Variants in ST8SIA2 observed in about 807,000 individuals in gnomAD.
ST8SIA2 encodes the protein ST8 alpha-N-acetyl-neuraminide alpha-2,8-sialyltransferase 2.
In ST8SIA2, 22 loss-of-function variants were observed where a neutral mutation model predicts 37.6. The ratio of observed to expected loss-of-function variants is 0.58; its 90% confidence interval spans 0.42 to 0.83. ST8SIA2 has a LOEUF of 0.83. Ranked by LOEUF, ST8SIA2 falls within the 40% of genes least tolerant of loss-of-function variation. The pLI is 0.00. For synonymous variants in ST8SIA2, 205 were observed against 201.2 expected (o/e 1.02, Z -0.16); for missense variants, 382 against 484.7 (o/e 0.79, Z 1.99).
intron 5 of ST8SIA2, among the ~76,000 whole-genome samples, chr15:92,452,936 T>C (rs990368090): frequency 1.5e-4 from 23 of 152,138 alleles, no homozygotes; most frequent in African/African-American, 5.6e-4. Context: ...CCGTAACAGC[T>C]GGGTTAGATG....
intron 1 of ST8SIA2, among the ~76,000 whole-genome samples, chr15:92,415,431 T>C (rs1164487356): frequency 6.6e-6 from 1 of 151,976 alleles, no homozygotes; most frequent in African/African-American, 2.4e-5. Flanking sequence ...ATTTTGCTAA[T>C]TGATAGGACG....
At position 92,455,446 on chromosome 15, in the gene ST8SIA2, GC is replaced by G. The variant is rs529245542; in HGVS notation, c.843-8653del. On this transcript the variant is annotated intron_variant, in intron 5 of 5. Coordinates refer to ENST00000268164, the MANE Select transcript of ST8SIA2 (RefSeq NM_006011.4). ...GGATTTAAAGTAAAAAGCCAACTCC[GC>G]TCCGCACCCCCTGTCCTCCTCCACA... is the stretch of plus-strand genomic sequence containing the variant. Among the ~76,000 whole-genome samples, 815 of 152,190 alleles carry G rather than the reference GC, an allele frequency of 5.4e-3. 4 individuals carry two copies. The highest frequency in any genetic ancestry group is 9.1e-3 in the Non-Finnish European group (619 of 67,990).
At chr15:92,439,052 C>T (rs968458363) in intron 4 of ST8SIA2, among the ~76,000 whole-genome samples, 1 of 152,182 alleles carries the variant, frequency 6.6e-6, no homozygotes, top group South Asian at 2.1e-4. Context: ...GGTGAAATTG[C>T]AGAGTCAGAA....
At chr15:92,442,092 C>T (rs536512239) in intron 4 of ST8SIA2, among the ~76,000 whole-genome samples, 3 of 152,246 alleles carry the variant, frequency 2.0e-5, no homozygotes, top group Non-Finnish European at 4.4e-5. Flanking sequence ...TTCCTAACGC[C>T]TCCTTCTCAA....
chr15:92,465,358 G>A lies in ST8SIA2; in HGVS notation c.*973G>A, dbSNP rs1265470355. On this transcript the variant is annotated 3_prime_UTR_variant, in exon 6 of 6. Transcript: ENST00000268164. ...GACTGTACTGTCCCCTCTGTCACCAGGGAAGCCACAATGAGAGCTTGAAAG... is the reference window on the plus strand; with the variant it reads ...GACTGTACTGTCCCCTCTGTCACCAAGGAAGCCACAATGAGAGCTTGAAAG... 1 of 152,180 alleles carries A rather than the reference G, an allele frequency of 6.6e-6. No homozygotes were observed. The highest frequency in any genetic ancestry group is 1.5e-5 in the Non-Finnish European group (1 of 68,032). 9.4% of individuals were successfully genotyped at this position (152,180 alleles called of 1,614,324 possible).
intron 5 of ST8SIA2, among the ~76,000 whole-genome samples, chr15:92,463,028 C>G (rs181460861): frequency 7.2e-5 from 11 of 152,308 alleles, no homozygotes; most frequent in East Asian, 1.9e-4. Context: ...TGTGACTCAT[C>G]ATTGCATAAA....
chr15:92,403,724 T>C (rs2049487532), intron 1 of ST8SIA2, among the ~76,000 whole-genome samples: 1 of 152,136 alleles, frequency 6.6e-6, no homozygotes, highest in Non-Finnish European at 1.5e-5. Flanking sequence ...GCAGGTGACT[T>C]TAGTTTGCTA....
Position 92,464,297 on chromosome 15 carries a change from C to T in ST8SIA2, c.1040C>T (p.Thr347Ile). 6.2e-7 allele frequency: 1 copy of T among 1,614,016 alleles called. No individual in the cohort carries two copies. The highest frequency in any genetic ancestry group is 1.1e-5 in the South Asian group (1 of 91,066). ...TACACCTCCCAGGCCAGCCCGCATA[C>T]CATGCCCTTGGAGTTTAAGGCCCTC... Reference protein sequence around the residue: ...YGYTSQASPHTMPLEFKALKS... With the variant: ...YGYTSQASPHIMPLEFKALKS... Residue 347 changes from threonine to isoleucine, a missense_variant, in exon 6 of 6, where the codon ACC becomes ATC. Coordinates refer to ENST00000268164, the MANE Select transcript of ST8SIA2 (RefSeq NM_006011.4).
intron 5 of ST8SIA2, among the ~76,000 whole-genome samples, chr15:92,459,910 C>A (rs2049945865): frequency 6.6e-6 from 1 of 152,160 alleles, no homozygotes; most frequent in Non-Finnish European, 1.5e-5. Flanking sequence ...GCATAAAAAT[C>A]CTGATTTCTA....
chr15:92,436,728 A>G (rs73547819), intron 3 of ST8SIA2, among the ~76,000 whole-genome samples: 6,570 of 152,262 alleles, frequency 0.043, 483 homozygotes, highest in African/African-American at 0.15. Context: ...GTTTTCCATC[A>G]ACAGATACGA....
chr15:92,412,186 A>C (rs1407935780), intron 1 of ST8SIA2, among the ~76,000 whole-genome samples: 2 of 152,002 alleles, frequency 1.3e-5, no homozygotes, highest in African/African-American at 4.8e-5. Flanking sequence ...AAGGAAGGAG[A>C]AGTGGGTGAG....
At chr15:92,421,628 T>C (rs572741350) in intron 1 of ST8SIA2, among the ~76,000 whole-genome samples, 1 of 152,226 alleles carries the variant, frequency 6.6e-6, no homozygotes, top group Non-Finnish European at 1.5e-5. Context: ...ATCATACAGA[T>C]AATGATTTGT....
chr15:92,429,076 C>T (rs72766149), intron 1 of ST8SIA2, among the ~76,000 whole-genome samples: 12,183 of 152,216 alleles, frequency 0.08, 704 homozygotes, highest in South Asian at 0.13. Flanking sequence ...GACAAGGTTC[C>T]TTTCAATACA....
At chr15:92,432,199 T>C (rs2049720913) in intron 2 of ST8SIA2, among the ~76,000 whole-genome samples, 1 of 152,162 alleles carries the variant, frequency 6.6e-6, no homozygotes, top group Admixed American at 6.5e-5. Flanking sequence ...AGCCTCTTAG[T>C]GCGATAACTC....
Position 92,444,717 on chromosome 15 carries a change from C to T in ST8SIA2, c.630C>T (p.Ile210=). Residue 210 remains isoleucine, a synonymous_variant, in exon 5 of 6, where the codon ATC becomes ATT. Coordinates refer to ENST00000268164, the MANE Select transcript of ST8SIA2 (RefSeq NM_006011.4). ...TDLVTMNPSV[I]QRAFEDLVNA... ...TGGTAACCATGAACCCCTCGGTCAT[C>T]CAGCGGGCCTTTGAGGACTTGGTCA... 6.2e-7 allele frequency: 1 copy of T among 1,614,238 alleles called. No individual in the cohort carries two copies. The highest frequency in any genetic ancestry group is 8.5e-7 in the Non-Finnish European group (1 of 1,180,040).
At chr15:92,421,037 T>A (rs993356133) in intron 1 of ST8SIA2, 6 of 152,166 alleles carry the variant, frequency 3.9e-5, no homozygotes, top group Admixed American at 6.5e-5. Context: ...TGGGAACACA[T>A]CTAAATTGGG....
chr15:92,452,017 G>A (rs2049885617), intron 5 of ST8SIA2, among the ~76,000 whole-genome samples: 2 of 152,202 alleles, frequency 1.3e-5, no homozygotes, highest in Admixed American at 1.3e-4. Context: ...AAGAACCAAA[G>A]GGCTAGGAGC....
chr15:92,419,267 G>C (rs146311592), intron 1 of ST8SIA2, among the ~76,000 whole-genome samples: 58 of 152,332 alleles, frequency 3.8e-4, no homozygotes, highest in African/African-American at 1.4e-3. Flanking sequence ...GAAGAAGCAG[G>C]GGGTGGAGTG....
At chr15:92,428,932 T>C (rs940641328) in intron 1 of ST8SIA2, among the ~76,000 whole-genome samples, 3 of 152,234 alleles carry the variant, frequency 2.0e-5, no homozygotes, top group African/African-American at 7.2e-5. Flanking sequence ...CATATAAGCA[T>C]GCACACACAT....
Sources: allele counts gnomAD v4.1 joint callset (sites outside exome capture counted in the v4.1 genomes callset), GRCh38; gene constraint gnomAD v4.1.1; transcripts MANE v1.5; gene names NCBI Gene and HGNC (gene_info 2026-07-23, HGNC 2026-07-21).